The following NUP210 variants were observed in gnomAD, a reference collection of about 807,000 sequenced individuals.
NUP210 encodes the protein nucleoporin 210, also known as nuclear pore membrane glycoprotein 210.
NUP210 carries 151 observed loss-of-function variants against 196.0 expected under a neutral mutation model. That is an observed-to-expected ratio of 0.77 (90% CI 0.67 to 0.88). NUP210 has a LOEUF of 0.88. NUP210 is among the 40% of genes least tolerant of loss of function. The pLI is 0.00. For missense variants in NUP210, 2,314 were observed against 2,493.7 expected, an observed-to-expected ratio of 0.93 and a Z score of 1.53; for synonymous variants, 1,070 against 1,052.7, an observed-to-expected ratio of 1.02 and a Z score of -0.32.
intron 1 of NUP210, among the ~76,000 whole-genome samples, chr3:13,419,679 C>G (rs1411341737): frequency 6.6e-6 from 1 of 152,174 alleles, no homozygotes; most frequent in Non-Finnish European, 1.5e-5. Flanking sequence ...GTCCCAGACT[C>G]AAGGGAAGTG....
At position 13,353,903 on chromosome 3, in the gene NUP210, T is replaced by C. The variant is rs1454277013; in HGVS notation, c.2521+12A>G. The C allele has an allele frequency of 6.2e-7, 1 of 1,601,214 alleles. No individual in the cohort carries two copies. Among genetic ancestry groups the C allele is most frequent in the Non-Finnish European group, 8.5e-7 (1 of 1,173,172 alleles). On this transcript the variant is annotated intron_variant, in intron 17 of 39. Coordinates refer to ENST00000254508, the MANE Select transcript of NUP210 (RefSeq NM_024923.4). ...TCTCCTGCCTGGGCCATCAGGCTTG[T>C]GCCCAGCTCACCGTGCAGCTTCTTT...
chr3:13,322,518 A>G (rs946566724), intron 34 of NUP210, among the ~76,000 whole-genome samples, 179 bp from the exon 35 acceptor site: 1 of 152,262 alleles, frequency 6.6e-6, no homozygotes, highest in African/African-American at 2.4e-5. Context: ...AGCCAAGGAC[A>G]TATCATATGG....
chr3:13,397,390 G>T lies in NUP210; in HGVS notation c.403C>A (p.Leu135Met). ...TCCAGGGCCTGGATCTTCAGCTCCAGGGGGGAGTCCTCCAGGTAGAGCTCG... is the reference window on the plus strand; with the variant it reads ...TCCAGGGCCTGGATCTTCAGCTCCATGGGGGAGTCCTCCAGGTAGAGCTCG... ...TRELYLEDSP[L>M]ELKIQALDSE... Residue 135 changes from leucine (L) to methionine (M), a missense_variant, in exon 3 of 40, where the codon CTG (leucine) becomes ATG (methionine). Leu to Met is a conservative substitution (Grantham distance 15). Coordinates refer to ENST00000254508, the MANE Select transcript of NUP210 (RefSeq NM_024923.4). The T allele has an allele frequency of 1.9e-6, 3 of 1,610,710 alleles. No individual in the cohort carries two copies. Among genetic ancestry groups the T allele is most frequent in the Middle Eastern group, 1.7e-4 (1 of 6,010 alleles).
chr3:13,372,836 GCCT>G (rs1162391355), intron 12 of NUP210, among the ~76,000 whole-genome samples: 1 of 152,178 alleles, frequency 6.6e-6, no homozygotes, highest in Non-Finnish European at 1.5e-5. Flanking sequence ...AACGCACGCT[GCCT>G]CCTGAGGAAC....
intron 23 of NUP210, 85 bp downstream of exon 23, chr3:13,341,663 G>A (rs1026928694): frequency 6.8e-7 from 1 of 1,468,986 alleles, no homozygotes; most frequent in Non-Finnish European, 9.3e-7. Context: ...CTTCTCTACA[G>A]TAGCTTCCTG....
At chr3:13,372,230 G>C (rs1698756762) in intron 12 of NUP210, among the ~76,000 whole-genome samples, 198 bp from the exon 13 acceptor site, 1 of 152,362 alleles carries the variant, frequency 6.6e-6, no homozygotes, top group Admixed American at 6.5e-5. Flanking sequence ...TCAGATCTGA[G>C]AGCCACAGCC....
In NUP210 at chr3:13,323,024, C is replaced by T. The variant is rs1696602702; in HGVS notation, c.4768+285G>A. On this transcript the variant is annotated intron_variant, in intron 34 of 39. Coordinates refer to ENST00000254508, the MANE Select transcript of NUP210 (RefSeq NM_024923.4). This position sits in a 1 kb window ranked among gnomAD's most constrained non-coding sequence, Gnocchi z 4.3. ...TGGGATTCACGGTGGGAAATTGTGG[C>T]TTTCTTTGCTAGGGTGCCCTCGGGC... Among the ~76,000 whole-genome samples, 1 of 152,162 alleles carries T rather than the reference C, an allele frequency of 6.6e-6. No individual in the cohort carries two copies. Among genetic ancestry groups the T allele is most frequent in the African/African-American group, 2.4e-5 (1 of 41,430 alleles).
rs1405707241 is a variant in NUP210 at position 13,328,869 on chromosome 3, C to G, written c.4188G>C (p.Val1396=). The part of the protein sequence containing the change: ...HTQNKEALVA[V]PLGMTVTFTV... Reference sequence around the variant, plus strand: ...TGAAGGTCACGGTCATTCCCAAAGGCACGGCCACCAGGGCCTCCTTGTTCT... The same window carrying G: ...TGAAGGTCACGGTCATTCCCAAAGGGACGGCCACCAGGGCCTCCTTGTTCT... The change falls in exon 31 of 40, where the codon GTG becomes GTC. Residue 1396 remains valine (V), a synonymous_variant. Coordinates refer to ENST00000254508, the MANE Select transcript of NUP210 (RefSeq NM_024923.4). The G allele has an allele frequency of 4.3e-6, 7 of 1,614,044 alleles. No individual in the cohort carries two copies. In the East Asian group the frequency reaches 1.6e-4, roughly 36 times the overall value.
At chr3:13,397,564 T>C (rs1699703794) in intron 2 of NUP210, 76 bp from the exon 3 acceptor site, 4 of 1,456,638 alleles carry the variant, frequency 2.7e-6, no homozygotes, top group Non-Finnish European at 3.6e-6. Flanking sequence ...CTTGCAGGCT[T>C]ACACTCTGGC....
At position 13,401,819 on chromosome 3, in the gene NUP210, C is replaced by T. The variant is rs79156432; in HGVS notation, c.168-1958G>A. Among the ~76,000 whole-genome samples the T allele has an allele frequency of 4.0e-3, 604 of 152,112 alleles. 4 individuals are homozygous for T. The highest frequency in any genetic ancestry group is 0.014 in the African/African-American group (582 of 41,490). On this transcript the variant is annotated intron_variant, in intron 1 of 39. Transcript: ENST00000254508. Reference sequence around the variant, plus strand: ...AAGGAAACTCAACAAATCCTGGGTCCTAGATTCGATCTGGGGGCAGAAAAA... The same window carrying T: ...AAGGAAACTCAACAAATCCTGGGTCTTAGATTCGATCTGGGGGCAGAAAAA...
intron 14 of NUP210, among the ~76,000 whole-genome samples, 159 bp from the exon 15 acceptor site, chr3:13,360,650 C>T (rs877511): frequency 0.62 from 94,621 of 152,052 alleles, 31,054 homozygotes; most frequent in African/African-American, 0.85. Context: ...GCAGCACTCA[C>T]AGGGATCATT....
intron 1 of NUP210, among the ~76,000 whole-genome samples, chr3:13,401,814 G>A (rs1699848193): frequency 6.6e-6 from 1 of 152,006 alleles, no homozygotes; most frequent in Non-Finnish European, 1.5e-5. Context: ...AACAAATCCT[G>A]GGTCCTAGAT....
At chr3:13,400,391 C>T (rs1241726358) in intron 1 of NUP210, among the ~76,000 whole-genome samples, 3 of 152,104 alleles carry the variant, frequency 2.0e-5, no homozygotes, top group Admixed American at 6.5e-5. Context: ...CCAGTGCCTG[C>T]GGAGCGGATA....
intron 18 of NUP210, 148 bp downstream of exon 18, chr3:13,353,406 T>C (rs1168043512): frequency 1.5e-6 from 1 of 662,120 alleles, no homozygotes; most frequent in African/African-American, 1.8e-5. Flanking sequence ...GCAGTGCCTC[T>C]CCTGGGGCCT....
Position 13,401,259 on chromosome 3 carries a change from C to CAAAAAAGAAAAAAAAAA in NUP210, c.168-1399_168-1398insTTTTTTTTTTCTTTTTT, listed in dbSNP as rs1699828574. 1.1e-4 allele frequency among the ~76,000 whole-genome samples: 5 copies of CAAAAAAGAAAAAAAAAA among 43,846 alleles called. 1 individual carries two copies. The highest frequency in any genetic ancestry group is 1.6e-4 in the Non-Finnish European group (4 of 24,782). 28.8% of individuals were successfully genotyped at this position (43,846 alleles called of 152,430 possible). ...TGGGCAACAGAGTGAGACTCTGGCT[C>CAAAAAAGAAAAAAAAAA]AAAAAAAAAAAAAAAAAAAAAGGCA... On this transcript the variant is annotated intron_variant, in intron 1 of 39. Coordinates refer to ENST00000254508, the MANE Select transcript of NUP210 (RefSeq NM_024923.4).
Position 13,340,140 on chromosome 3 carries a change from TC to T in NUP210, c.3291+95del, listed in dbSNP as rs1481150134. On this transcript the variant is annotated intron_variant, in intron 24 of 39. Coordinates refer to ENST00000254508, the MANE Select transcript of NUP210 (RefSeq NM_024923.4). The surrounding 1 kb of genome is among the most constrained non-coding windows in gnomAD (Gnocchi z 4.0). ...AGTGCAGGCAGCTTCTGCCTTCTTCTCCCAGTCACTGCACGCAGGGCCAGAG... is the reference window on the plus strand; with the variant it reads ...AGTGCAGGCAGCTTCTGCCTTCTTCTCCAGTCACTGCACGCAGGGCCAGAG... 2 of 1,601,586 alleles carry T rather than the reference TC, an allele frequency of 1.2e-6. No individual in the cohort carries two copies. Among genetic ancestry groups the T allele is most frequent in the Admixed American group, 1.7e-5 (1 of 59,622 alleles).
chr3:13,366,235 T>C (rs1698530855), intron 13 of NUP210, 144 bp from the exon 14 acceptor site: 11 of 731,928 alleles, frequency 1.5e-5, no homozygotes, highest in Middle Eastern at 4.0e-4. Flanking sequence ...TTCAAGTGAT[T>C]CTCCTGCCTC....
chr3:13,368,929 AC>A (rs1362339759), intron 13 of NUP210, among the ~76,000 whole-genome samples: 1 of 152,128 alleles, frequency 6.6e-6, no homozygotes, highest in Non-Finnish European at 1.5e-5. Flanking sequence ...TACTTTCAAC[AC>A]CTTTGGATGT....
chr3:13,406,862 C>T (rs898670345), intron 1 of NUP210, among the ~76,000 whole-genome samples: 1 of 149,038 alleles, frequency 6.7e-6, no homozygotes, highest in Non-Finnish European at 1.5e-5. Context: ...CCACACGGCA[C>T]ACATGGCAGG....
Sources: allele counts gnomAD v4.1 joint callset (sites outside exome capture counted in the v4.1 genomes callset), GRCh38; gene constraint gnomAD v4.1.1; non-coding constraint Gnocchi (gnomAD v3.1); transcripts MANE v1.5; gene names NCBI Gene and HGNC (gene_info 2026-07-23, HGNC 2026-07-21).